TBC1D19: variants seen among roughly 807,000 people sequenced by gnomAD.
TBC1D19 encodes TBC1 domain family, member 19.
A neutral mutation model predicts 89.0 loss-of-function variants in TBC1D19; 60 were observed. The observed-to-expected ratio is 0.67, with a 90% CI of 0.55 to 0.84. The LOEUF is 0.84. TBC1D19 is among the 40% of genes least tolerant of loss of function. The probability of loss-of-function intolerance (pLI) is 0.00; values close to 1 mark genes in which losing one functional copy is unlikely to be tolerated. For synonymous variants in TBC1D19, 189 were observed against 199.7 expected (o/e 0.95, Z 0.45); for missense variants, 500 against 610.8 (o/e 0.82, Z 1.91).
chr4:26,626,220 G>A (rs941353527), intron 4 of TBC1D19, among the ~76,000 whole-genome samples: 10 of 152,062 alleles, frequency 6.6e-5, no homozygotes, highest in African/African-American at 2.4e-4. Context: ...AAGTTCTGCA[G>A]GAAAGAAACC....
intron 15 of TBC1D19, among the ~76,000 whole-genome samples, chr4:26,725,640 TGGTCTCAAGCAATCC>T (rs1195845155): frequency 6.6e-6 from 1 of 152,140 alleles, no homozygotes; most frequent in African/African-American, 2.4e-5. Flanking sequence ...CTTGAACACC[TGGTCTCAAGCAATCC>T]GCCCACCTCA....
chr4:26,600,542 G>C (rs537643165), intron 1 of TBC1D19, among the ~76,000 whole-genome samples: 21 of 152,312 alleles, frequency 1.4e-4, no homozygotes, highest in South Asian at 6.2e-4. Context: ...GTAAGACCAA[G>C]TTGAAATAAA....
chr4:26,601,569 G>A (rs1740612686), intron 1 of TBC1D19, among the ~76,000 whole-genome samples: 1 of 152,196 alleles, frequency 6.6e-6, no homozygotes, highest in Non-Finnish European at 1.5e-5. Context: ...CAGTAAGAAG[G>A]CTAAGCAGAG....
the TBC1D19 span, chr4:26,858,298 A>C: frequency 2.7e-5 from 4 of 148,676 alleles, no homozygotes; most frequent in African/African-American, 7.4e-5. Context: ...AAAAAAAGGC[A>C]TATGATGAGG....
intron 11 of TBC1D19, among the ~76,000 whole-genome samples, chr4:26,678,218 C>T (rs1029695841): frequency 2.1e-4 from 32 of 152,182 alleles, no homozygotes; most frequent in African/African-American, 7.7e-4. Context: ...TTGTTGGGAA[C>T]TGGAATAAAG....
At chr4:26,583,988 G>T (rs1577742001), upstream of TBC1D19, 1 of 569,074 alleles carries the variant, frequency 1.8e-6, no homozygotes, top group East Asian at 3.0e-5. Flanking sequence ...TCCGCCGGCG[G>T]AACGCAGATG....
chr4:26,696,237 G>C (rs897232235), intron 13 of TBC1D19, among the ~76,000 whole-genome samples: 7 of 152,076 alleles, frequency 4.6e-5, no homozygotes, highest in South Asian at 4.2e-4. Flanking sequence ...GACTTTAAAC[G>C]AACAAAGATC....
At chr4:26,775,283 C>G in the TBC1D19 span, among the ~76,000 whole-genome samples, 6 of 152,130 alleles carry the variant, frequency 3.9e-5, no homozygotes, top group Non-Finnish European at 8.8e-5. Context: ...GAGACCCTGT[C>G]TCTACAAAAC....
the TBC1D19 span, among the ~76,000 whole-genome samples, chr4:26,837,567 A>G: frequency 1.3e-5 from 2 of 150,290 alleles, no homozygotes; most frequent in African/African-American, 4.8e-5. Flanking sequence ...TGGAGTTTTC[A>G]CATATGTGAT....
At chr4:26,834,667 C>T in the TBC1D19 span, among the ~76,000 whole-genome samples, 2 of 152,110 alleles carry the variant, frequency 1.3e-5, no homozygotes, top group Non-Finnish European at 2.9e-5. Context: ...CACCCCCAGT[C>T]CTTCCTGCCT....
chr4:26,635,302 T>C (rs1041244323), intron 4 of TBC1D19, among the ~76,000 whole-genome samples: 1 of 152,122 alleles, frequency 6.6e-6, no homozygotes, highest in Non-Finnish European at 1.5e-5. Context: ...ATGAGATTTA[T>C]CTAAATAAGG....
At chr4:26,680,725 C>T (rs1713262008) in intron 11 of TBC1D19, among the ~76,000 whole-genome samples, 1 of 152,146 alleles carries the variant, frequency 6.6e-6, no homozygotes, top group Non-Finnish European at 1.5e-5. Context: ...AGTTCTTATA[C>T]CTACAGTATT....
intron 11 of TBC1D19, among the ~76,000 whole-genome samples, chr4:26,678,770 C>G (rs1032545860): frequency 1.3e-5 from 2 of 152,062 alleles, no homozygotes; most frequent in African/African-American, 4.8e-5. Flanking sequence ...TAGGAATTTC[C>G]TTGTGGGTAA....
the TBC1D19 span, among the ~76,000 whole-genome samples, chr4:26,823,207 A>T: frequency 6.6e-6 from 1 of 152,226 alleles, no homozygotes; most frequent in Non-Finnish European, 1.5e-5. Context: ...CATTTTTAAA[A>T]TCATCAGATC....
intron 13 of TBC1D19, among the ~76,000 whole-genome samples, chr4:26,690,270 C>A (rs188505609): frequency 1.3e-5 from 2 of 152,280 alleles, no homozygotes; most frequent in Admixed American, 1.3e-4. Context: ...AGGAAAAATG[C>A]CATCTCCATA....
At chr4:26,650,058 C>T (rs1744254343) in intron 7 of TBC1D19, among the ~76,000 whole-genome samples, 1 of 152,124 alleles carries the variant, frequency 6.6e-6, no homozygotes, top group East Asian at 1.9e-4. Context: ...TTTTTTATGG[C>T]TGCATAGTAT....
chr4:26,687,983 A>C (rs752591279), intron 12 of TBC1D19, among the ~76,000 whole-genome samples: 2 of 152,142 alleles, frequency 1.3e-5, no homozygotes, highest in African/African-American at 2.4e-5. Flanking sequence ...GGACTTGAAC[A>C]GTGAGATTGG....
intron 18 of TBC1D19, among the ~76,000 whole-genome samples, chr4:26,743,375 G>A (rs1242912064): frequency 6.6e-6 from 1 of 152,024 alleles, no homozygotes; most frequent in Admixed American, 6.5e-5. Flanking sequence ...CAAATAGATA[G>A]CTCAGTGGGT....
chr4:26,715,292 C>T (rs545988884), intron 13 of TBC1D19, among the ~76,000 whole-genome samples: 111 of 152,072 alleles, frequency 7.3e-4, no homozygotes, highest in African/African-American at 2.6e-3. Flanking sequence ...ATCCTTCTAC[C>T]TTCAACTTCC....
Sources: gnomAD v4.1 joint callset for allele counts (sites outside exome capture counted in the v4.1 genomes callset) on GRCh38, gnomAD v4.1.1 for gene constraint, MANE v1.5 for transcripts, NCBI Gene and HGNC (gene_info 2026-07-23, HGNC 2026-07-21) for gene names.